Variants in BTG3 observed in about 807,000 individuals in gnomAD.
BTG3 encodes the protein BTG anti-proliferation factor 3.
In BTG3, 4 loss-of-function variants were observed where a neutral mutation model predicts 25.8. The ratio of observed to expected loss-of-function variants is 0.16; its 90% CI spans 0.08 to 0.36. BTG3 has a LOEUF of 0.36. Ranked by LOEUF, BTG3 falls within the 10% of genes least tolerant of loss-of-function variation. The probability of loss-of-function intolerance (pLI) is 1.00; values close to 1 mark genes in which losing one functional copy is unlikely to be tolerated. For synonymous variants in BTG3, 107 were observed against 99.9 expected (o/e 1.07, Z -0.42); for missense variants, 201 against 304.9 (o/e 0.66, Z 2.54).
chr21:17,604,286 TAAAA>T, intron 3 of BTG3: 1 of 253,518 alleles, frequency 3.9e-6, no homozygotes, highest in Non-Finnish European at 8.0e-6. Flanking sequence ...ACTACAAATA[TAAAA>T]AAAAATTAGC....
chr21:17,610,684 G>A (rs901176338), intron 1 of BTG3, among the ~76,000 whole-genome samples: 2 of 152,148 alleles, frequency 1.3e-5, no homozygotes, highest in Non-Finnish European at 2.9e-5. Flanking sequence ...TTATTAAGAT[G>A]CTGCCTTTAG....
At chr21:17,602,011 TAGG>T (rs946420442) in intron 3 of BTG3, among the ~76,000 whole-genome samples, 5 of 152,190 alleles carry the variant, frequency 3.3e-5, no homozygotes, top group Middle Eastern at 3.2e-3. Flanking sequence ...GTCGATATCT[TAGG>T]AGAATTAGTA....
At chr21:17,610,954 C>T (rs1569192940) in intron 1 of BTG3, among the ~76,000 whole-genome samples, 2 of 152,138 alleles carry the variant, frequency 1.3e-5, no homozygotes, top group Non-Finnish European at 2.9e-5. Flanking sequence ...GGTGTGCTGG[C>T]AGCCGCAGAT....
Position 17,594,032 on chromosome 21 carries a change from T to A in BTG3, c.*61A>T, listed in dbSNP as rs1051615758. ...ATTAGTAAGAACTTTTAACTTTTAA[T>A]GTGTAGTAAGGTTTATTCTACCTTT... On this transcript the variant is annotated 3_prime_UTR_variant, in exon 5 of 5. Transcript: ENST00000348354. 5.2e-6 allele frequency: 8 copies of A among 1,538,480 alleles called. No individual in the cohort carries two copies. The highest frequency in any genetic ancestry group is 5.2e-6 in the Non-Finnish European group (6 of 1,144,286).
chr21:17,606,668 A>C (rs1281855303), intron 2 of BTG3, among the ~76,000 whole-genome samples: 1 of 152,132 alleles, frequency 6.6e-6, no homozygotes, highest in African/African-American at 2.4e-5. Context: ...TGCATACCTT[A>C]CATGTTTTGT....
chr21:17,612,286 G>C (rs2061740552), intron 1 of BTG3: 1 of 152,066 alleles, frequency 6.6e-6, no homozygotes, highest in African/African-American at 2.4e-5. Flanking sequence ...CCCTGGGTTC[G>C]AGGACCCGGC....
chr21:17,609,612 T>C (rs917792063), intron 1 of BTG3, among the ~76,000 whole-genome samples: 2 of 152,214 alleles, frequency 1.3e-5, no homozygotes, highest in African/African-American at 4.8e-5. Flanking sequence ...GTTCGGCAGT[T>C]CCTAGAAAGG....
At chr21:17,607,687 A>G (rs565840730) in intron 2 of BTG3, among the ~76,000 whole-genome samples, 2 of 152,300 alleles carry the variant, frequency 1.3e-5, no homozygotes, top group African/African-American at 4.8e-5. Context: ...TCAAAGCACA[A>G]AGTGTTGATT....
At chr21:17,603,056 TA>T (rs1215663447) in intron 3 of BTG3, among the ~76,000 whole-genome samples, 1 of 152,194 alleles carries the variant, frequency 6.6e-6, no homozygotes, top group Non-Finnish European at 1.5e-5. Flanking sequence ...CAACCCTCTT[TA>T]AAATGCTGCT....
chr21:17,608,427 TG>T (rs2061675331), intron 2 of BTG3, among the ~76,000 whole-genome samples: 1 of 151,974 alleles, frequency 6.6e-6, no homozygotes, highest in Admixed American at 6.6e-5. Flanking sequence ...TTACTAGTCG[TG>T]GATCACAGGT....
chr21:17,598,544 C>A (rs1489511036), intron 4 of BTG3, 73 bp downstream of exon 4: 4 of 1,299,816 alleles, frequency 3.1e-6, no homozygotes, highest in African/African-American at 2.9e-5. Flanking sequence ...TTGGGCAATG[C>A]CAAGTAGGAC....
At chr21:17,612,495 T>A (rs2061746006) in intron 1 of BTG3, 1 of 151,864 alleles carries the variant, frequency 6.6e-6, no homozygotes, top group African/African-American at 2.4e-5. Context: ...GCGGAAAGCC[T>A]CGCGGGCCGC....
rs1040038940 is a variant in BTG3 at position 17,593,835 on chromosome 21, A to G, written c.*258T>C. The G allele has an allele frequency of 1.1e-4, 48 of 428,330 alleles. No homozygotes were observed. The highest frequency in any genetic ancestry group is 9.4e-4 in the African/African-American group (46 of 48,752). The allele number at this position is 428,330 out of a possible 1,614,324, so 26.5% of individuals were successfully genotyped here. A position where few individuals can be genotyped will look rare whatever the true frequency, so the allele number is the denominator to read the frequency against. On this transcript the variant is annotated 3_prime_UTR_variant, in exon 5 of 5. Coordinates refer to ENST00000348354, the MANE Select transcript of BTG3 (RefSeq NM_006806.5). ...TTCTCGTATCCAACAGAGTTGATGC[A>G]CAATATATAAATACTCAAGTCCAAT...
intron 1 of BTG3, chr21:17,612,039 A>C (rs1038203416): frequency 4.6e-5 from 7 of 152,336 alleles, no homozygotes; most frequent in African/African-American, 1.7e-4. Flanking sequence ...GGACTTTCTG[A>C]AGCCATCGAA....
At chr21:17,611,139 A>G (rs1294725377) in intron 1 of BTG3, among the ~76,000 whole-genome samples, 3 of 152,200 alleles carry the variant, frequency 2.0e-5, no homozygotes, top group African/African-American at 7.2e-5. Context: ...AATGTAAGCC[A>G]TTTCCACTTT....
At chr21:17,598,982 A>C in intron 3 of BTG3, 158 bp from the exon 4 acceptor site, 1 of 550,446 alleles carries the variant, frequency 1.8e-6, no homozygotes, top group Non-Finnish European at 3.1e-6. Flanking sequence ...AATACAGCTC[A>C]ATGCCAGCAA....
intron 3 of BTG3, 49 bp from the exon 4 acceptor site, chr21:17,598,873 G>T: frequency 6.8e-7 from 1 of 1,460,396 alleles, no homozygotes; most frequent in Non-Finnish European, 9.3e-7. Context: ...CATCAGCAAA[G>T]CAAAAAATGT....
At chr21:17,604,456 A>G (rs1242388294) in intron 3 of BTG3, among the ~76,000 whole-genome samples, 1 of 152,156 alleles carries the variant, frequency 6.6e-6, no homozygotes, top group Non-Finnish European at 1.5e-5. Context: ...AAAAAAAAAG[A>G]GGAGAGAGGG....
At chr21:17,609,926 A>G (rs542399710) in intron 1 of BTG3, among the ~76,000 whole-genome samples, 3 of 152,370 alleles carry the variant, frequency 2.0e-5, no homozygotes, top group East Asian at 1.9e-4. Context: ...AAAACAATCT[A>G]TATGTTTACC....
Sources: gnomAD v4.1 joint callset for allele counts (sites outside exome capture counted in the v4.1 genomes callset) on GRCh38, gnomAD v4.1.1 for gene constraint, MANE v1.5 for transcripts, NCBI Gene and HGNC (gene_info 2026-07-23, HGNC 2026-07-21) for gene names.